LRP2: variants seen among roughly 807,000 people sequenced by gnomAD.
The protein encoded by LRP2 is low-density lipoprotein receptor-related protein 2.
A neutral mutation model predicts 531.0 loss-of-function variants in LRP2; 172 were observed. The ratio of observed to expected loss-of-function variants is 0.32; its 90% CI spans 0.29 to 0.37. The LOEUF (loss-of-function observed/expected upper bound fraction) is 0.37. Among genes scored for constraint, LRP2 ranks in the 10% least tolerant of loss-of-function variants. The pLI, the probability that LRP2 is intolerant of heterozygous loss-of-function variation, is 1.00. For missense variants in LRP2, 5,167 were observed against 5,868.3 expected (o/e 0.88, Z 3.90); for synonymous variants, 1,992 against 2,027.6 (o/e 0.98, Z 0.47).
At chr2:169,338,386 A>AAGAAAG (rs1234512200) in intron 1 of LRP2, among the ~76,000 whole-genome samples, 2 of 128,716 alleles carry the variant, frequency 1.6e-5, no homozygotes, top group East Asian at 6.3e-4. Flanking sequence ...GAAAGAAAGA[A>AAGAAAG]AGAAAGAAAG....
At chr2:169,169,350 C>T (rs1419354043) in intron 60 of LRP2, among the ~76,000 whole-genome samples, 2 of 152,170 alleles carry the variant, frequency 1.3e-5, no homozygotes, top group East Asian at 1.9e-4. Flanking sequence ...TGTTCGAATA[C>T]CCAACCCAAG....
chr2:169,318,095 A>T (rs2544383), intron 3 of LRP2, among the ~76,000 whole-genome samples: 50,180 of 151,890 alleles, frequency 0.33, 8,808 homozygotes, highest in African/African-American at 0.46. Context: ...ATAATAAAAT[A>T]AAAATAAATA....
rs1289253575 is a variant in LRP2 at position 169,191,836 on chromosome 2, A to G, written c.9028T>C (p.Phe3010Leu). 3.1e-6 allele frequency: 5 copies of G among 1,613,798 alleles called. No individual in the cohort carries two copies. Among genetic ancestry groups the G allele is most frequent in the South Asian group, 1.1e-5 (1 of 91,080 alleles). Residue 3010 changes from phenylalanine to leucine, a missense_variant, in exon 48 of 79, where the codon TTC (phenylalanine) becomes CTC (leucine). Coordinates refer to ENST00000649046, the MANE Select transcript of LRP2 (RefSeq NM_004525.3). ...CGYGLCIPKI[F>L]RCDRHNDCGD... Reference sequence around the variant, plus strand: ...ACTTCTGAATCCTCAATTCACCTGAATATCTTTGGGATACACAGTCCGTAA... The same window carrying G: ...ACTTCTGAATCCTCAATTCACCTGAGTATCTTTGGGATACACAGTCCGTAA...
intron 1 of LRP2, among the ~76,000 whole-genome samples, chr2:169,332,952 C>T (rs1457419194): frequency 6.6e-6 from 1 of 152,166 alleles, no homozygotes; most frequent in African/African-American, 2.4e-5. Context: ...CATGCCTCGA[C>T]CTTGACCATT....
At chr2:169,245,480 T>G (rs1034066782) in intron 21 of LRP2, among the ~76,000 whole-genome samples, 1 of 152,146 alleles carries the variant, frequency 6.6e-6, no homozygotes, top group African/African-American at 2.4e-5. Flanking sequence ...TTCAGAAAAA[T>G]GTACAAGTGA....
chr2:169,318,995 G>GCCTTCAAATA, intron 2 of LRP2, 111 bp from the exon 3 acceptor site: 2 of 1,368,450 alleles, frequency 1.5e-6, no homozygotes, highest in Non-Finnish European at 2.0e-6. Context: ...CAATTTATTT[G>GCCTTCAAATA]AAGGCAAATA....
rs1434035735 is a variant in LRP2 at position 169,152,834 on chromosome 2, C to T, written c.12426G>A (p.Met4142Ile). 2 of 1,613,934 alleles carry T rather than the reference C, an allele frequency of 1.2e-6. No homozygotes were observed. The highest frequency in any genetic ancestry group is 2.2e-5 in the East Asian group (1 of 44,900). ...QEVDLKLKYV[M>I]QPDGIAVDWV... ...AGTCCACTGCTATTCCATCTGGCTG[C>T]ATTACGTATTTCAGTTTCAGGTCAA... Residue 4142 changes from methionine to isoleucine, a missense_variant, in exon 67 of 79, where the codon ATG becomes ATA. Coordinates refer to ENST00000649046, the MANE Select transcript of LRP2 (RefSeq NM_004525.3).
chr2:169,238,063 G>A, intron 27 of LRP2, 28 bp downstream of exon 27: 1 of 1,599,424 alleles, frequency 6.3e-7, no homozygotes, highest in Non-Finnish European at 8.6e-7. Context: ...GAACTAGCCA[G>A]GCCAAAGGTC....
chr2:169,148,143 T>C (rs1392950185), intron 68 of LRP2, among the ~76,000 whole-genome samples: 1 of 152,242 alleles, frequency 6.6e-6, no homozygotes, highest in Non-Finnish European at 1.5e-5. Flanking sequence ...CTTTAAAGTC[T>C]CAACAACTGG....
intron 52 of LRP2, among the ~76,000 whole-genome samples, chr2:169,178,638 C>A (rs972169725): frequency 7.2e-5 from 11 of 152,308 alleles, no homozygotes; most frequent in African/African-American, 2.4e-4. Flanking sequence ...GATGAATAAA[C>A]CTCCAGAGAA....
In LRP2 at chr2:169,231,645, A is replaced by G; in HGVS notation, c.5227+69T>C. ...CATGTTCAGTCGCAATTGGTTTTAG[A>G]GTTTCCACTGCTTGGCACAAACTAT... On this transcript the variant is annotated intron_variant, in intron 31 of 78. Transcript: ENST00000649046. 5.0e-6 allele frequency: 8 copies of G among 1,603,802 alleles called. No individual in the cohort carries two copies. The South Asian group carries it at 8.8e-5, about 18-fold the overall frequency.
intron 3 of LRP2, among the ~76,000 whole-genome samples, chr2:169,312,089 T>A (rs1020938902): frequency 1.8e-4 from 28 of 152,298 alleles, no homozygotes; most frequent in African/African-American, 6.7e-4. Context: ...TTTGAGCCTA[T>A]GTGTGTCTCT....
chr2:169,130,747 T>C (rs1306951116), intron 77 of LRP2, among the ~76,000 whole-genome samples: 1 of 152,146 alleles, frequency 6.6e-6, no homozygotes, highest in Non-Finnish European at 1.5e-5. Context: ...AGAAATACAG[T>C]GAGATCCCTG....
chr2:169,247,568 T>C (rs1690060515), intron 19 of LRP2, 53 bp from the exon 20 acceptor site: 8 of 1,594,796 alleles, frequency 5.0e-6, no homozygotes, highest in Non-Finnish European at 6.9e-6. Flanking sequence ...AACTTATAAA[T>C]AAATCACTTG....
At chr2:169,165,783 G>T in intron 62 of LRP2, 149 bp downstream of exon 62, 1 of 941,338 alleles carries the variant, frequency 1.1e-6, no homozygotes, top group Non-Finnish European at 1.7e-6. Flanking sequence ...GCATGTGTTT[G>T]CATGGTCTTG....
At chr2:169,230,715 T>A (rs958388425) in intron 31 of LRP2, among the ~76,000 whole-genome samples, 1 of 152,250 alleles carries the variant, frequency 6.6e-6, no homozygotes, top group Non-Finnish European at 1.5e-5. Context: ...GTGTATTATA[T>A]ACAAGTACAC....
intron 3 of LRP2, among the ~76,000 whole-genome samples, chr2:169,315,990 A>G (rs1390397254): frequency 6.6e-6 from 1 of 150,568 alleles, no homozygotes; most frequent in South Asian, 2.1e-4. Context: ...AAAATACAAA[A>G]TTAGCCAGGT....
chr2:169,147,698 T>C (rs371492089), intron 68 of LRP2, among the ~76,000 whole-genome samples: 6 of 152,312 alleles, frequency 3.9e-5, no homozygotes, highest in Admixed American at 3.9e-4. Context: ...TGATCTCACA[T>C]TGAATTACCT....
At chr2:169,310,399 T>G (rs982761636) in intron 3 of LRP2, among the ~76,000 whole-genome samples, 5 of 152,200 alleles carry the variant, frequency 3.3e-5, no homozygotes, top group Non-Finnish European at 5.9e-5. Context: ...TATTGAGAGT[T>G]TTTAGCATGA....
Sources: gnomAD v4.1 joint callset for allele counts (sites outside exome capture counted in the v4.1 genomes callset) on GRCh38, gnomAD v4.1.1 for gene constraint, MANE v1.5 for transcripts, NCBI Gene and HGNC (gene_info 2026-07-23, HGNC 2026-07-21) for gene names.